RNF19B: variants seen among roughly 807,000 people sequenced by gnomAD.
The protein encoded by RNF19B is ring finger protein 19B.
Under a neutral mutation model 65.5 loss-of-function variants are expected in RNF19B, and 23 were observed. The observed-to-expected ratio is 0.35, with a 90% CI of 0.25 to 0.50. The LOEUF (loss-of-function observed/expected upper bound fraction) is 0.50. Among genes scored for constraint, RNF19B ranks in the 20% least tolerant of loss-of-function variants. The probability of loss-of-function intolerance (pLI) is 0.98; values close to 1 mark genes in which losing one functional copy is unlikely to be tolerated. For synonymous variants in RNF19B, 372 were observed against 379.6 expected (o/e 0.98, Z 0.23); for missense variants, 794 against 980.0 (o/e 0.81, Z 2.53).
rs1203439621 is a variant in RNF19B at position 32,936,592 on chromosome 1, A to AGGGAG, written c.*209_*213dup. On this transcript the variant is annotated 3_prime_UTR_variant, in exon 9 of 9. Transcript: ENST00000235150. Reference sequence around the variant, plus strand: ...TAACCAATAAATTAAAACTAAAAAGAGGGAGGGGAGGGGAGGGGAACTAAC... The same window carrying AGGGAG: ...TAACCAATAAATTAAAACTAAAAAGAGGGAGGGGAGGGGAGGGGAGGGGAACTAAC... The AGGGAG allele has an allele frequency of 5.0e-4, 240 of 478,522 alleles. 1 individual carries two copies. Among genetic ancestry groups the AGGGAG allele is most frequent in the African/African-American group, 9.8e-5 (5 of 51,170 alleles). The allele number at this position is 478,522 out of a possible 1,614,324, so 29.6% of individuals were successfully genotyped here. A position where few individuals can be genotyped will look rare whatever the true frequency, so the allele number is the denominator to read the frequency against.
intron 1 of RNF19B, among the ~76,000 whole-genome samples, chr1:32,958,590 C>T (rs559969416): frequency 1.3e-5 from 2 of 152,182 alleles, no homozygotes; most frequent in Admixed American, 6.5e-5. Context: ...GTTGCAGGTG[C>T]CTGTAGTCCC....
intron 7 of RNF19B, among the ~76,000 whole-genome samples, chr1:32,941,824 G>A (rs957631281): frequency 1.5e-4 from 23 of 151,878 alleles, no homozygotes; most frequent in Non-Finnish European, 1.5e-4. Flanking sequence ...AAGGCCTGTC[G>A]CAGTGACTCA....
Position 32,946,390 on chromosome 1 carries a change from T to C in RNF19B, c.1146+12A>G, listed in dbSNP as rs746650142. The C allele has an allele frequency of 1.2e-6, 2 of 1,612,342 alleles. No individual in the cohort carries two copies. The highest frequency in any genetic ancestry group is 2.2e-5 in the South Asian group (2 of 90,886). ...GTTGAAACAAGCACAGAAACCAGCA[T>C]GTCTTTCTTACCTTCCTTCCAACAT... is the stretch of plus-strand genomic sequence containing the variant. On this transcript the variant is annotated intron_variant, in intron 4 of 8. Transcript: ENST00000235150.
At chr1:32,942,857 C>G (rs958626673) in intron 6 of RNF19B, among the ~76,000 whole-genome samples, 2 of 152,082 alleles carry the variant, frequency 1.3e-5, no homozygotes, top group Non-Finnish European at 2.9e-5. Context: ...GCTAGAAAAA[C>G]CGGCCGGGCG....
At chr1:32,933,257 A>AT (rs34130548), downstream of RNF19B, among the ~76,000 whole-genome samples, 359 of 138,114 alleles carry the variant, frequency 2.6e-3, no homozygotes, top group South Asian at 3.7e-3. Flanking sequence ...TATTATTATT[A>AT]TTTTTTTTTT....
At chr1:32,957,371 C>T (rs925938118) in intron 1 of RNF19B, among the ~76,000 whole-genome samples, 2 of 152,162 alleles carry the variant, frequency 1.3e-5, no homozygotes, top group Admixed American at 6.5e-5. Context: ...TAAGAGCACC[C>T]GTATTTTCTT....
At chr1:32,956,153 G>A (rs1266578817) in intron 1 of RNF19B, among the ~76,000 whole-genome samples, 1 of 150,686 alleles carries the variant, frequency 6.6e-6, no homozygotes, top group Non-Finnish European at 1.5e-5. Context: ...ATCACCTGAG[G>A]TCAGGAGTTC....
intron 1 of RNF19B, among the ~76,000 whole-genome samples, chr1:32,961,873 G>T (rs184577527): frequency 6.6e-5 from 10 of 151,930 alleles, no homozygotes; most frequent in Non-Finnish European, 1.5e-4. Context: ...AAACAAACAG[G>T]GACCTTTTCC....
At chr1:32,933,180 C>T (rs1642048026), downstream of RNF19B, among the ~76,000 whole-genome samples, 1 of 152,036 alleles carries the variant, frequency 6.6e-6, no homozygotes, top group Non-Finnish European at 1.5e-5. Context: ...ACCTGAAATG[C>T]GGTAGGTATT....
chr1:32,933,127 A>C (rs1201380613), downstream of RNF19B, among the ~76,000 whole-genome samples: 1 of 152,220 alleles, frequency 6.6e-6, no homozygotes, highest in Non-Finnish European at 1.5e-5. Context: ...TCTAAGTTCC[A>C]TGGGGACAGG....
rs964053871 is a variant in RNF19B, at chr1:32,964,766, G to A, written c.-81C>T. ...AGCGCCCCTCAGCCAGCGCCCGGCC[G>A]CCGCCGACGCCGCCACCACCGCCTC... is the stretch of plus-strand genomic sequence containing the variant. On this transcript the variant is annotated 5_prime_UTR_variant, in exon 1 of 9. Transcript: ENST00000235150. This position sits in a 1 kb window ranked among gnomAD's most constrained non-coding sequence, Gnocchi z 6.5. 9.1e-6 allele frequency: 11 copies of A among 1,211,138 alleles called. No homozygotes were observed. The highest frequency in any genetic ancestry group is 4.2e-5 in the South Asian group (2 of 47,824). 75.0% of individuals were successfully genotyped at this position (1,211,138 alleles called of 1,614,324 possible).
chr1:32,941,624 C>T (rs1035168989), intron 7 of RNF19B, among the ~76,000 whole-genome samples: 9 of 152,144 alleles, frequency 5.9e-5, no homozygotes, highest in Admixed American at 3.3e-4. Context: ...GAGCATTTTA[C>T]GAATTCTATA....
intron 2 of RNF19B, among the ~76,000 whole-genome samples, chr1:32,948,638 T>C (rs567293498): frequency 3.9e-5 from 6 of 152,292 alleles, no homozygotes; most frequent in Non-Finnish European, 7.4e-5. Context: ...GAGATTTCCT[T>C]AGGGAGAAAG....
downstream of RNF19B, among the ~76,000 whole-genome samples, chr1:32,935,435 G>A (rs771308227): frequency 3.3e-5 from 5 of 152,084 alleles, no homozygotes; most frequent in African/African-American, 9.7e-5. Context: ...CACTGTGCCC[G>A]GCCAGGACAT....
intron 1 of RNF19B, among the ~76,000 whole-genome samples, chr1:32,954,702 C>A (rs1360439690): frequency 2.7e-5 from 4 of 149,464 alleles, no homozygotes; most frequent in African/African-American, 9.8e-5. Flanking sequence ...CACACCACTG[C>A]ACTCCAGCCT....
chr1:32,957,756 C>T lies in RNF19B; in HGVS notation c.635+6295G>A, dbSNP rs1000456438. ...GGCTGAGGCAGAAGAATCGCTTGAA[C>T]CCGAGAGGCAGAGGTTGCAGTGAGC... On this transcript the variant is annotated intron_variant, in intron 1 of 8. Coordinates refer to ENST00000235150, the MANE Select transcript of RNF19B (RefSeq NM_001300826.2). 2.6e-5 allele frequency among the ~76,000 whole-genome samples: 4 copies of T among 152,276 alleles called. No homozygotes were observed. In the East Asian group the frequency reaches 5.8e-4, roughly 22 times the overall value.
intron 1 of RNF19B, among the ~76,000 whole-genome samples, chr1:32,954,786 A>G (rs1178183076): frequency 2.0e-5 from 3 of 151,976 alleles, no homozygotes; most frequent in Non-Finnish European, 4.4e-5. Context: ...ATTCCACCAA[A>G]TGGAGGTATA....
At chr1:32,930,806 G>A in the RNF19B span, among the ~76,000 whole-genome samples, 2 of 152,166 alleles carry the variant, frequency 1.3e-5, no homozygotes, top group African/African-American at 4.8e-5. Flanking sequence ...AGCCATTCTT[G>A]GCCGGTCGCA....
rs191984089 is a variant in RNF19B at position 32,956,245 on chromosome 1, T to C, written c.636-6471A>G. Among the ~76,000 whole-genome samples, 668 of 152,250 alleles carry C rather than the reference T, an allele frequency of 4.4e-3. 3 individuals are homozygous for C. Among genetic ancestry groups the C allele is most frequent in the South Asian group, 7.7e-3 (37 of 4,814 alleles). On this transcript the variant is annotated intron_variant, in intron 1 of 8. Coordinates refer to ENST00000235150, the MANE Select transcript of RNF19B (RefSeq NM_001300826.2). ...AGCTGGGCATGGTGGCGTGCACTTG[T>C]AGTCCCAGCTACTCCCAGCTACTCG...
Sources: allele counts gnomAD v4.1 joint callset (sites outside exome capture counted in the v4.1 genomes callset), GRCh38; gene constraint gnomAD v4.1.1; non-coding constraint Gnocchi (gnomAD v3.1); transcripts MANE v1.5; gene names NCBI Gene and HGNC (gene_info 2026-07-23, HGNC 2026-07-21).